CCDC102A: variants seen among roughly 807,000 people sequenced by gnomAD.
CCDC102A encodes the protein coiled-coil domain-containing protein 102A.
Under a neutral mutation model 55.5 loss-of-function variants are expected in CCDC102A, and 40 were observed. The ratio of observed to expected loss-of-function variants is 0.72; its 90% CI spans 0.56 to 0.94. The LOEUF is 0.94. Ranked by LOEUF, CCDC102A falls within the 40% of genes least tolerant of loss-of-function variation. The pLI, the probability that CCDC102A is intolerant of heterozygous loss-of-function variation, is 0.00. For missense variants in CCDC102A, 779 were observed against 768.6 expected (o/e 1.01, Z -0.16); for synonymous variants, 323 against 339.0 (o/e 0.95, Z 0.52).
In CCDC102A at chr16:57,528,679, C is replaced by A; in HGVS notation, c.499G>T (p.Ala167Ser). Reference protein sequence around the residue: ...LARLRGARGVADQTRDGPEPE... With the variant: ...LARLRGARGVSDQTRDGPEPE... The stretch of plus-strand genomic sequence containing the variant: ...TCGGGGCCGTCGCGCGTCTGGTCGG[C>A]GACCCCCCGGGCGCCCCTCAGCCGC... The change falls in exon 2 of 9, where the codon GCC becomes TCC. Residue 167 changes from alanine (A) to serine (S), a missense_variant. Physicochemically the swap from Ala to Ser is moderately conservative, Grantham distance 99 (BLOSUM62 1). Transcript: ENST00000258214. The A allele has an allele frequency of 1.8e-6, 2 of 1,130,524 alleles. No individual in the cohort carries two copies. Among genetic ancestry groups the A allele is most frequent in the South Asian group, 2.9e-5 (1 of 34,322 alleles). 70.0% of individuals were successfully genotyped at this position (1,130,524 alleles called of 1,614,324 possible). A position where few individuals can be genotyped will look rare whatever the true frequency, so the allele number is the denominator to read the frequency against.
chr16:57,512,891 G>A (rs746006105), intron 8 of CCDC102A, 21 bp from the exon 9 acceptor site: 7 of 1,609,624 alleles, frequency 4.3e-6, no homozygotes, highest in Middle Eastern at 1.7e-4. Flanking sequence ...GGGGTGACAG[G>A]AGGTTAGAGC....
chr16:57,526,305 C>T (rs1384512681), intron 2 of CCDC102A, among the ~76,000 whole-genome samples, 178 bp from the exon 3 acceptor site: 4 of 152,248 alleles, frequency 2.6e-5, no homozygotes, highest in Non-Finnish European at 5.9e-5. Context: ...TGGGCCTCCC[C>T]TTTCACCTCC....
chr16:57,517,147 C>T (rs759716449), intron 6 of CCDC102A, among the ~76,000 whole-genome samples: 26 of 152,102 alleles, frequency 1.7e-4, no homozygotes, highest in African/African-American at 4.8e-4. Flanking sequence ...TAAACTCTCT[C>T]GAAGAGTCCC....
intron 1 of CCDC102A, among the ~76,000 whole-genome samples, chr16:57,531,233 C>T (rs2032254844): frequency 6.6e-6 from 1 of 152,014 alleles, no homozygotes; most frequent in South Asian, 2.1e-4. Context: ...CTCCATTCCC[C>T]CCGTGACCAG....
chr16:57,524,424 C>T lies in CCDC102A; in HGVS notation c.812+1477G>A, dbSNP rs372027651. The stretch of plus-strand genomic sequence containing the variant: ...GCAGTTCCAGGAGAACTACAAAGAA[C>T]ATGCGCCAGAGGCATGGTGGCACAT... On this transcript the variant is annotated intron_variant, in intron 3 of 8. Coordinates refer to ENST00000258214, the MANE Select transcript of CCDC102A (RefSeq NM_033212.4). Among the ~76,000 whole-genome samples the T allele has an allele frequency of 2.4e-4, 37 of 152,204 alleles. No homozygotes were observed. In the South Asian group the frequency reaches 7.7e-3, roughly 32 times the overall value.
rs1214021096 is a variant in CCDC102A, at chr16:57,518,244, A to G, written c.1072T>C (p.Trp358Arg). 6.2e-7 allele frequency: 1 copy of G among 1,610,786 alleles called. No homozygotes were observed. The highest frequency in any genetic ancestry group is 1.1e-5 in the South Asian group (1 of 91,070). ...GTCTCCAGCCGCTCCCGGCGGCCCC[A>G]CTCCGCAGCGTTTTCGGCCTGCAGC... Reference protein sequence around the residue: ...ERLQAENAAEWGRRERLETEK... With the variant: ...ERLQAENAAERGRRERLETEK... Residue 358 changes from tryptophan to arginine, a missense_variant, in exon 6 of 9, where the codon TGG (tryptophan) becomes CGG (arginine). Trp to Arg is a moderately radical substitution (Grantham distance 101, BLOSUM62 -3). Transcript: ENST00000258214.
In CCDC102A at chr16:57,512,775, T is replaced by A; in HGVS notation, c.1619A>T (p.Asp540Val). 6.2e-7 allele frequency: 1 copy of A among 1,614,178 alleles called. No homozygotes were observed. Among genetic ancestry groups the A allele is most frequent in the Non-Finnish European group, 8.5e-7 (1 of 1,180,012 alleles). Residue 540 changes from aspartate to valine, a missense_variant, in exon 9 of 9, where the codon GAC becomes GTC. Physicochemically the swap from Asp to Val is radical, Grantham distance 152 (BLOSUM62 -3). Coordinates refer to ENST00000258214, the MANE Select transcript of CCDC102A (RefSeq NM_033212.4). ...EEAEDGTSDL[D>V]EDEDLQIQVA ...CTGGATTTGCAGGTCCTCGTCCTCG[T>A]CCAGGTCACTGGTTCCATCCTCGGC...
intron 3 of CCDC102A, among the ~76,000 whole-genome samples, chr16:57,523,140 C>G (rs2032079486): frequency 6.6e-6 from 1 of 152,064 alleles, no homozygotes; most frequent in African/African-American, 2.4e-5. Context: ...TGTACCCCAG[C>G]CTGGGCAACA....
Position 57,529,092 on chromosome 16 carries a change from G to T in CCDC102A, c.86C>A (p.Pro29Gln). 1 of 1,173,972 alleles carries T rather than the reference G, an allele frequency of 8.5e-7. No individual in the cohort carries two copies. The highest frequency in any genetic ancestry group is 1.1e-6 in the Non-Finnish European group (1 of 950,706). 72.7% of individuals were successfully genotyped at this position (1,173,972 alleles called of 1,614,324 possible). The change falls in exon 2 of 9, where the codon CCG becomes CAG. Residue 29 changes from proline to glutamine, a missense_variant. Pro to Gln is a moderately conservative substitution (Grantham distance 76). Transcript: ENST00000258214. This position sits in a 1 kb window ranked among gnomAD's most constrained non-coding sequence, Gnocchi z 4.1. ...GGAGTCGGCAGGCCCCATGCGCTCC[G>T]GCGACGGGCTGCCCAGGATGGTCAG... is the stretch of plus-strand genomic sequence containing the variant. The part of the protein sequence containing the change: ...SLLTILGSPS[P>Q]ERMGPADSLP...
At chr16:57,515,987 C>T (rs955506854) in intron 7 of CCDC102A, among the ~76,000 whole-genome samples, 1 of 152,052 alleles carries the variant, frequency 6.6e-6, no homozygotes, top group Non-Finnish European at 1.5e-5. Context: ...CCATTGGATC[C>T]ACCCATCCAT....
intron 3 of CCDC102A, among the ~76,000 whole-genome samples, chr16:57,522,816 C>T (rs1224819453): frequency 6.6e-6 from 1 of 152,196 alleles, no homozygotes; most frequent in African/African-American, 2.4e-5. Flanking sequence ...GACCACTTCA[C>T]CATTTCTTCT....
At chr16:57,525,824 C>A in intron 3 of CCDC102A, 77 bp downstream of exon 3, 5 of 1,313,780 alleles carry the variant, frequency 3.8e-6, no homozygotes, top group Non-Finnish European at 5.4e-6. Flanking sequence ...CTTCGTGAGT[C>A]TAATGTTCTG....
intron 4 of CCDC102A, 23 bp downstream of exon 4, chr16:57,521,045 A>G: frequency 1.3e-6 from 2 of 1,536,970 alleles, no homozygotes; most frequent in South Asian, 2.2e-5. Flanking sequence ...CTCCAGGAAG[A>G]CCCTCTGGTC....
At position 57,528,988 on chromosome 16, in the gene CCDC102A, G is replaced by C; in HGVS notation, c.190C>G (p.Leu64Val). The C allele has an allele frequency of 8.4e-7, 1 of 1,196,298 alleles. No homozygotes were observed. Among genetic ancestry groups the C allele is most frequent in the Non-Finnish European group, 1.0e-6 (1 of 957,700 alleles). The allele number at this position is 1,196,298 out of a possible 1,614,324, so 74.1% of individuals were successfully genotyped here. The change falls in exon 2 of 9, where the codon CTG becomes GTG. Residue 64 changes from leucine (L) to valine (V), a missense_variant. Leu to Val is a conservative substitution (Grantham distance 32, BLOSUM62 1). Coordinates refer to ENST00000258214, the MANE Select transcript of CCDC102A (RefSeq NM_033212.4). ...CGGCTCTCCCAGTCGCCGTCGGCCA[G>C]CAGCGCGGGCGCGGGGGGCAGGGGC... The part of the protein sequence containing the change: ...ALPLPPAPAL[L>V]ADGDWESREE...
intron 1 of CCDC102A, among the ~76,000 whole-genome samples, chr16:57,531,184 A>G (rs1305008742): frequency 6.6e-6 from 1 of 151,686 alleles, no homozygotes; most frequent in Admixed American, 6.6e-5. Context: ...TGCCTGATAG[A>G]TGATTCAGGC....
At chr16:57,512,929 T>C (rs2146695375) in intron 8 of CCDC102A, 59 bp from the exon 9 acceptor site, 1 of 1,474,634 alleles carries the variant, frequency 6.8e-7, no homozygotes, top group Non-Finnish European at 9.4e-7. Flanking sequence ...CCCGATAAGG[T>C]GGCTGCAGCT....
intron 3 of CCDC102A, among the ~76,000 whole-genome samples, chr16:57,525,500 A>C (rs2032123404): frequency 6.6e-6 from 1 of 152,124 alleles, no homozygotes; most frequent in African/African-American, 2.4e-5. Flanking sequence ...TCACATCCCC[A>C]GCTGCCTCCC....
In CCDC102A at chr16:57,512,506, C is replaced by T. The variant is rs1466734501; in HGVS notation, c.*235G>A. On this transcript the variant is annotated 3_prime_UTR_variant, in exon 9 of 9. Transcript: ENST00000258214. ...TAAAACCAAATGGGTCCAAAGACTT[C>T]TGGGTGTGCGCGCGCGCGCGCGCGT... 4.5e-6 allele frequency: 2 copies of T among 444,286 alleles called. No individual in the cohort carries two copies. The highest frequency in any genetic ancestry group is 6.6e-5 in the South Asian group (1 of 15,066). The allele number at this position is 444,286 out of a possible 1,614,324, so 27.5% of individuals were successfully genotyped here.
In CCDC102A at chr16:57,528,757, G is replaced by T; in HGVS notation, c.421C>A (p.Arg141Ser). Reference sequence around the variant, plus strand: ...TCGCCCTGCGCCTCTTGGCGCTCGCGCCGTGCGCCCGCCAGCTCCTTGGTG... The same window carrying T: ...TCGCCCTGCGCCTCTTGGCGCTCGCTCCGTGCGCCCGCCAGCTCCTTGGTG... Reference protein sequence around the residue: ...ALTKELAGARRERQEAQGECE... With the variant: ...ALTKELAGARSERQEAQGECE... Residue 141 changes from arginine to serine, a missense_variant, in exon 2 of 9, where the codon CGC becomes AGC. Transcript: ENST00000258214. The T allele has an allele frequency of 8.5e-7, 1 of 1,179,010 alleles. No individual in the cohort carries two copies. The highest frequency in any genetic ancestry group is 1.1e-6 in the Non-Finnish European group (1 of 946,236). The allele number at this position is 1,179,010 out of a possible 1,614,324, so 73.0% of individuals were successfully genotyped here. A position where few individuals can be genotyped will look rare whatever the true frequency, so the allele number is the denominator to read the frequency against.
Sources: gnomAD v4.1 joint callset for allele counts (sites outside exome capture counted in the v4.1 genomes callset) on GRCh38, gnomAD v4.1.1 for gene constraint, Gnocchi (gnomAD v3.1) non-coding constraint, MANE v1.5 for transcripts, NCBI Gene and HGNC (gene_info 2026-07-23, HGNC 2026-07-21) for gene names.